The following AMOT variants were observed in gnomAD, a reference collection of about 807,000 sequenced individuals.
AMOT encodes angiomotin.
Under a neutral mutation model 67.0 loss-of-function variants are expected in AMOT, and 11 were observed. The observed-to-expected ratio is 0.16, with a 90% CI of 0.10 to 0.27. AMOT has a LOEUF of 0.27. Ranked by LOEUF, AMOT falls within the 10% of genes least tolerant of loss-of-function variation. The pLI, the probability that AMOT is intolerant of heterozygous loss-of-function variation, is 1.00. For synonymous variants in AMOT, 326 were observed against 321.4 expected (o/e 1.01, Z -0.15); for missense variants, 753 against 852.0 (o/e 0.88, Z 1.45).
In AMOT at chrX:112,778,626, T is replaced by G; in HGVS notation, c.3196A>C (p.Thr1066Pro). 8.3e-7 allele frequency: 1 copy of G among 1,204,901 alleles called. No individual in the cohort carries two copies. The highest frequency in any genetic ancestry group is 1.1e-6 in the Non-Finnish European group (1 of 891,675). Reference sequence around the variant, plus strand: ...TCTTGTCCCAGGATCTGAATGGGAGTTTTTCTTTCCAGAGTATTGGAGTGG... The same window carrying G: ...TCTTGTCCCAGGATCTGAATGGGAGGTTTTCTTTCCAGAGTATTGGAGTGG... ...VFHSNTLERKTPIQILGQEPD... is the reference protein window; with the variant it reads ...VFHSNTLERKPPIQILGQEPD... The change falls in exon 14 of 14, where the codon ACT (threonine) becomes CCT (proline). Residue 1066 changes from threonine (T) to proline (P), a missense_variant. Around this residue, in one of 5 missense-constraint regions of AMOT, gnomAD observed 269 missense variants for 300.9 expected, o/e 0.89. Coordinates refer to ENST00000371959, the MANE Select transcript of AMOT (RefSeq NM_001113490.2).
chrX:112,808,021 T>C (rs939393711), intron 7 of AMOT, among the ~76,000 whole-genome samples: 6 of 112,030 alleles, frequency 5.4e-5, no homozygotes, highest in East Asian at 2.8e-4. Context: ...CTCAAACAAG[T>C]AGTTTCGATT....
chrX:112,778,680 G>A lies in AMOT; in HGVS notation c.3158-16C>T. ...ACAGGCCCATCTAAATGGAAATAAG[G>A]GTTAGAAAACACTTAGGGATGAAGA... On this transcript the variant is annotated splice_polypyrimidine_tract_variant and intron_variant, in intron 13 of 13. Transcript: ENST00000371959. 1 of 1,159,705 alleles carries A rather than the reference G, an allele frequency of 8.6e-7. No individual in the cohort carries two copies. The highest frequency in any genetic ancestry group is 3.0e-5 in the East Asian group (1 of 33,319).
chrX:112,801,498 T>C (rs1244030011), intron 8 of AMOT, among the ~76,000 whole-genome samples: 1 of 111,431 alleles, frequency 9.0e-6, no homozygotes, highest in Non-Finnish European at 1.9e-5. Flanking sequence ...CCCAGCAAGA[T>C]ACCTCCTTCC....
At chrX:112,803,916 A>C (rs1331831412) in intron 8 of AMOT, among the ~76,000 whole-genome samples, 1 of 111,996 alleles carries the variant, frequency 8.9e-6, no homozygotes, top group African/African-American at 3.2e-5. Flanking sequence ...GAAGTCTGTG[A>C]GATATGAAAT....
intron 4 of AMOT, among the ~76,000 whole-genome samples, chrX:112,818,679 C>T (rs1981743633): frequency 9.0e-6 from 1 of 111,344 alleles, no homozygotes; most frequent in Non-Finnish European, 1.9e-5. Context: ...TAAGGAATGA[C>T]GGGGTAAGGG....
At chrX:112,807,754 T>C (rs1250259423) in intron 7 of AMOT, among the ~76,000 whole-genome samples, 1 of 112,175 alleles carries the variant, frequency 8.9e-6, no homozygotes, top group Non-Finnish European at 1.9e-5. Context: ...CCAAAGGAAC[T>C]TACTACATAA....
intron 2 of AMOT, among the ~76,000 whole-genome samples, chrX:112,829,526 G>T (rs996279696): frequency 8.9e-6 from 1 of 111,741 alleles, no homozygotes; most frequent in Non-Finnish European, 1.9e-5. Flanking sequence ...AAATTACCCT[G>T]TCTCCGGTAC....
intron 10 of AMOT, among the ~76,000 whole-genome samples, chrX:112,783,691 A>ATGTGTG (rs34787381): frequency 0.065 from 6,523 of 100,509 alleles, 186 homozygotes; most frequent in Middle Eastern, 0.093. Flanking sequence ...AAGGAAAAAC[A>ATGTGTG]TGTGTGTGTG....
At chrX:112,822,007 T>TG (rs1173602806) in intron 4 of AMOT, among the ~76,000 whole-genome samples, 3 of 112,466 alleles carry the variant, frequency 2.7e-5, no homozygotes, top group African/African-American at 9.7e-5. Flanking sequence ...CTTTTGCTCC[T>TG]GTTCGTCCAC....
chrX:112,796,117 T>C (rs369743946), intron 8 of AMOT, among the ~76,000 whole-genome samples: 18 of 110,872 alleles, frequency 1.6e-4, no homozygotes, highest in African/African-American at 5.9e-4. Context: ...TGAATCAGAA[T>C]CCCCTTTTCA....
At chrX:112,795,248 C>G (rs6643092) in intron 8 of AMOT, among the ~76,000 whole-genome samples, 3,392 of 104,160 alleles carry the variant, frequency 0.033, 57 homozygotes, top group South Asian at 0.058. Flanking sequence ...GTCTCTCTCT[C>G]TGTGTGTGTG....
intron 12 of AMOT, 113 bp from the exon 13 acceptor site, chrX:112,779,793 AGTAAATAT>A: frequency 6.6e-6 from 2 of 304,043 alleles, no homozygotes; most frequent in Non-Finnish European, 1.1e-5. Flanking sequence ...TTTTTAAATA[AGTAAATAT>A]TATTTAAATA....
chrX:112,830,135 A>T (rs1352904648), intron 2 of AMOT, among the ~76,000 whole-genome samples: 2 of 112,170 alleles, frequency 1.8e-5, no homozygotes, highest in Non-Finnish European at 3.8e-5. Flanking sequence ...AAAATCACTT[A>T]TAATCCAAGC....
At chrX:112,798,465 A>T (rs1279977385) in intron 8 of AMOT, among the ~76,000 whole-genome samples, 1 of 112,470 alleles carries the variant, frequency 8.9e-6, no homozygotes, top group African/African-American at 3.2e-5. Context: ...AACAAGACAA[A>T]GTTTCTGCCT....
Position 112,822,898 on chromosome X carries a change from G to A in AMOT, c.229C>T (p.Arg77Ter), listed in dbSNP as rs1380412729. The A allele has an allele frequency of 8.6e-7, 1 of 1,167,465 alleles. No homozygotes were observed. Among genetic ancestry groups the A allele is most frequent in the Non-Finnish European group, 1.1e-6 (1 of 873,015 alleles). Residue 77 changes from arginine to a stop codon, truncating the protein, a stop_gained, in exon 4 of 14, where the codon CGA (arginine) becomes TGA (stop). Transcript: ENST00000371959. LOFTEE classifies it high-confidence loss of function. ...ATTTCCTGCCCCTGGGGTTCTTGTC[G>A]AGCAGCATGAGCCACAAGCTGTTGG... is the stretch of plus-strand genomic sequence containing the variant. ...HHQQLVAHAA[R>*]QEPQGQEIQS...
At chrX:112,806,832 A>T (rs148746458) in intron 7 of AMOT, among the ~76,000 whole-genome samples, 9 of 112,044 alleles carry the variant, frequency 8.0e-5, no homozygotes, top group African/African-American at 2.9e-4. Context: ...ACCTGAAGTG[A>T]TATCACTGAA....
At chrX:112,838,581 C>T (rs963489730) in intron 1 of AMOT, among the ~76,000 whole-genome samples, 11 of 112,486 alleles carry the variant, frequency 9.8e-5, no homozygotes, top group Non-Finnish European at 1.1e-4. Context: ...TACAAATGTC[C>T]TTGTTGGGAA....
chrX:112,804,968 C>T lies in AMOT; in HGVS notation c.1755G>A (p.Lys585=). 3 of 1,211,030 alleles carry T rather than the reference C, an allele frequency of 2.5e-6. No homozygotes were observed. Among genetic ancestry groups the T allele is most frequent in the Non-Finnish European group, 3.4e-6 (3 of 895,232 alleles). The change falls in exon 8 of 14, where the codon AAG becomes AAA. Residue 585 remains lysine (K), a synonymous_variant. Coordinates refer to ENST00000371959, the MANE Select transcript of AMOT (RefSeq NM_001113490.2). ...ATACCTCTTCTTCCAGCTTTACCACCTTGGCCTGGGCATTACTCAGGGCCT... is the reference window on the plus strand; with the variant it reads ...ATACCTCTTCTTCCAGCTTTACCACTTTGGCCTGGGCATTACTCAGGGCCT... The part of the protein sequence containing the change: ...RDQALSNAQA[K]VVKLEEELKK...
chrX:112,777,884 G>A lies in AMOT; in HGVS notation c.*683C>T, dbSNP rs1448721872. On this transcript the variant is annotated 3_prime_UTR_variant, in exon 14 of 14. Coordinates refer to ENST00000371959, the MANE Select transcript of AMOT (RefSeq NM_001113490.2). Reference sequence around the variant, plus strand: ...ATCCAAATGCATAAATTACTCCAGAGCATATATATGAATGTATGAACCTCC... The same window carrying A: ...ATCCAAATGCATAAATTACTCCAGAACATATATATGAATGTATGAACCTCC... The A allele has an allele frequency of 8.9e-6, 1 of 112,163 alleles. No individual in the cohort carries two copies. Among genetic ancestry groups the A allele is most frequent in the Non-Finnish European group, 1.9e-5 (1 of 53,258 alleles). The allele number at this position is 112,163 out of a possible 1,213,427, so 9.2% of individuals were successfully genotyped here.
Sources: allele counts gnomAD v4.1 joint callset (sites outside exome capture counted in the v4.1 genomes callset), GRCh38; gene constraint gnomAD v4.1.1; regional missense constraint gnomAD v4.1.1; transcripts MANE v1.5; gene names NCBI Gene and HGNC (gene_info 2026-07-23, HGNC 2026-07-21).